The following SYT7 variants were observed in gnomAD, a reference collection of about 807,000 sequenced individuals.
The protein encoded by SYT7 is synaptotagmin-7.
SYT7 carries 29 observed loss-of-function variants against 75.1 expected under a neutral mutation model. The observed-to-expected ratio is 0.39, with a 90% CI of 0.29 to 0.53. The LOEUF (loss-of-function observed/expected upper bound fraction) is 0.53. Ranked by LOEUF, SYT7 falls within the 20% of genes least tolerant of loss-of-function variation. The pLI, the probability that SYT7 is intolerant of heterozygous loss-of-function variation, is 0.77. For missense variants in SYT7, 693 were observed against 953.2 expected, an observed-to-expected ratio of 0.73 and a Z score of 3.59; for synonymous variants, 376 against 401.7, an observed-to-expected ratio of 0.94 and a Z score of 0.76.
At chr11:61,522,309 C>A (rs1308735068) in intron 12 of SYT7, among the ~76,000 whole-genome samples, 1 of 151,600 alleles carries the variant, frequency 6.6e-6, no homozygotes. Context: ...CCTGTCACAG[C>A]CTCCTGAGTA....
intron 2 of SYT7, among the ~76,000 whole-genome samples, chr11:61,555,577 C>T (rs2063476506): frequency 6.6e-6 from 1 of 152,106 alleles, no homozygotes; most frequent in Non-Finnish European, 1.5e-5. Context: ...GAAAAGGAGC[C>T]GTTTGTGCTT....
Position 61,569,326 on chromosome 11 carries a change from G to C in SYT7, c.31+11464C>G, listed in dbSNP as rs1332452413. On this transcript the variant is annotated intron_variant, in intron 1 of 12. Coordinates refer to ENST00000539008, the MANE Select transcript of SYT7 (RefSeq NM_001365809.2). ...CAGCCACAGAAACTGCCTGGGTCAG[G>C]GTTCTGTCAGGGCAGGGGATGCTGA... 2.0e-5 allele frequency among the ~76,000 whole-genome samples: 3 copies of C among 152,150 alleles called. No homozygotes were observed. The East Asian group carries it at 5.8e-4, about 29-fold the overall frequency.
chr11:61,559,033 T>C lies in SYT7; in HGVS notation c.32-2826A>G, dbSNP rs374331550. ...TGCTAGGATTACAGGCATGAGCCAC[T>C]GTGCCCAGCCCCACCTCTGCCTCTT... On this transcript the variant is annotated intron_variant, in intron 1 of 12. Coordinates refer to ENST00000539008, the MANE Select transcript of SYT7 (RefSeq NM_001365809.2). Among the ~76,000 whole-genome samples, 3 of 152,214 alleles carry C rather than the reference T, an allele frequency of 2.0e-5. No individual in the cohort carries two copies. In the East Asian group the frequency reaches 5.8e-4, roughly 29 times the overall value.
At chr11:61,541,899 G>A (rs897194339) in intron 6 of SYT7, among the ~76,000 whole-genome samples, 4 of 152,208 alleles carry the variant, frequency 2.6e-5, no homozygotes, top group African/African-American at 7.2e-5. Context: ...AGAGCAGCCT[G>A]GGACTAGCTG....
chr11:61,517,422 G>A lies in SYT7; in HGVS notation c.*1205C>T. On this transcript the variant is annotated 3_prime_UTR_variant, in exon 13 of 13. Transcript: ENST00000539008. ...CTGCTCCCGGGGACCAGGGAGTGGG[G>A]AAGGGTGAGAAGACAGTCCTGGAGA... 5.0e-6 allele frequency: 2 copies of A among 398,876 alleles called. No homozygotes were observed. Among genetic ancestry groups the A allele is most frequent in the Non-Finnish European group, 8.8e-6 (2 of 226,242 alleles). 24.7% of individuals were successfully genotyped at this position (398,876 alleles called of 1,614,324 possible).
chr11:61,549,682 C>G (rs1285084679), intron 3 of SYT7, among the ~76,000 whole-genome samples: 2 of 152,224 alleles, frequency 1.3e-5, no homozygotes, highest in African/African-American at 2.4e-5. Context: ...TTCTGTCCCT[C>G]GGGGCAGAGG....
chr11:61,554,085 G>C (rs1590911799), intron 2 of SYT7, among the ~76,000 whole-genome samples: 1 of 152,232 alleles, frequency 6.6e-6, no homozygotes, highest in South Asian at 2.1e-4. Flanking sequence ...TGGGGATTGT[G>C]GGGAGGGGCT....
chr11:61,574,245 A>G (rs868865486), intron 1 of SYT7, among the ~76,000 whole-genome samples: 5 of 152,170 alleles, frequency 3.3e-5, no homozygotes, highest in Admixed American at 6.5e-5. Flanking sequence ...TCATCTTCCA[A>G]CCGCCTGGGA....
intron 6 of SYT7, 117 bp from the exon 7 acceptor site, chr11:61,538,383 G>GAGAGAA (rs2062941616): frequency 3.6e-6 from 3 of 825,084 alleles, no homozygotes; most frequent in Non-Finnish European, 5.4e-6. Context: ...GAGAGAGAGA[G>GAGAGAA]AGAGAAAGAG....
At chr11:61,581,952 G>A (rs1416296058), upstream of SYT7, among the ~76,000 whole-genome samples, 1 of 152,096 alleles carries the variant, frequency 6.6e-6, no homozygotes, top group Non-Finnish European at 1.5e-5. Context: ...ACAGAATTTG[G>A]ATGATTTGAT....
At position 61,542,485 on chromosome 11, in the gene SYT7, G is replaced by A. The variant is rs1486071718; in HGVS notation, c.667C>T (p.Arg223Trp). ...AGCGGCTGTTGCAGGCTCTGCTGCC[G>A]CATCAGGGTGCGGGGTCGCTGGCAT... ...PKCQRPRTLM[R>W]QQSLQQPLSQ... The change falls in exon 6 of 13, where the codon CGG becomes TGG. Residue 223 changes from arginine to tryptophan, a missense_variant. Arg to Trp is a moderately radical substitution (Grantham distance 101). Around this residue, in one of 2 missense-constraint regions of SYT7, gnomAD observed 487 missense variants for 593.2 expected, o/e 0.82. Coordinates refer to ENST00000539008, the MANE Select transcript of SYT7 (RefSeq NM_001365809.2). The surrounding 1 kb of genome is among the most constrained non-coding windows in gnomAD (Gnocchi z 7.8). 19 of 1,532,948 alleles carry A rather than the reference G, an allele frequency of 1.2e-5. No homozygotes were observed. The highest frequency in any genetic ancestry group is 2.0e-5 in the Admixed American group (1 of 50,934). 95.0% of individuals were successfully genotyped at this position (1,532,948 alleles called of 1,614,324 possible).
At chr11:61,552,643 C>A (rs889646838) in intron 2 of SYT7, among the ~76,000 whole-genome samples, 13 of 152,330 alleles carry the variant, frequency 8.5e-5, no homozygotes, top group East Asian at 7.7e-4. Flanking sequence ...CCCTGATGCT[C>A]CTGCCAGGGG....
intron 3 of SYT7, among the ~76,000 whole-genome samples, chr11:61,549,910 C>T (rs1184894016): frequency 6.6e-6 from 1 of 152,196 alleles, no homozygotes; most frequent in Non-Finnish European, 1.5e-5. Flanking sequence ...TGGGCCCTGC[C>T]ACACGCACCC....
rs1316523852 is a variant in SYT7, at chr11:61,553,024, T to C, written c.136-1561A>G. 6.6e-6 allele frequency among the ~76,000 whole-genome samples: 1 copy of C among 152,172 alleles called. No individual in the cohort carries two copies. The highest frequency in any genetic ancestry group is 2.4e-5 in the African/African-American group (1 of 41,436). On this transcript the variant is annotated intron_variant, in intron 2 of 12. Coordinates refer to ENST00000539008, the MANE Select transcript of SYT7 (RefSeq NM_001365809.2). The surrounding 1 kb of genome is among the most constrained non-coding windows in gnomAD (Gnocchi z 5.2). ...TGGGCAGTTCTCAGAAATCATCACC[T>C]GGAAGTGTCCCTTCTATGGCCCCGC...
At chr11:61,537,978 T>C (rs2062917714) in intron 7 of SYT7, among the ~76,000 whole-genome samples, 166 bp downstream of exon 7, 2 of 152,086 alleles carry the variant, frequency 1.3e-5, no homozygotes, top group Admixed American at 6.5e-5. Flanking sequence ...ACCACCGAGG[T>C]GGCAGTGCGT....
chr11:61,546,053 C>A lies in SYT7; in HGVS notation c.550G>T (p.Ala184Ser), dbSNP rs77128898. The change falls in exon 5 of 13, where the codon GCA becomes TCA. Residue 184 changes from alanine (A) to serine (S), a missense_variant. Physicochemically the swap from Ala to Ser is moderately conservative, Grantham distance 99. Around this residue, in one of 2 missense-constraint regions of SYT7, gnomAD observed 487 missense variants for 593.2 expected, o/e 0.82. Coordinates refer to ENST00000539008, the MANE Select transcript of SYT7 (RefSeq NM_001365809.2). This position sits in a 1 kb window ranked among gnomAD's most constrained non-coding sequence, Gnocchi z 7.6. ...CACTTGGACAAGTTGAGCTTCCCTG[C>A]GGCCAGGTGGCTCTGCACCGTCCGC... ...RWRTVQSHLA[A>S]GKLNLSNFED... 42 of 1,533,356 alleles carry A rather than the reference C, an allele frequency of 2.7e-5. No homozygotes were observed. Among genetic ancestry groups the A allele is most frequent in the Admixed American group, 3.9e-5 (2 of 50,878 alleles). The allele number at this position is 1,533,356 out of a possible 1,614,324, so 95.0% of individuals were successfully genotyped here. A position where few individuals can be genotyped will look rare whatever the true frequency, so the allele number is the denominator to read the frequency against.
At chr11:61,571,312 C>T (rs1449386910) in intron 1 of SYT7, among the ~76,000 whole-genome samples, 1 of 152,244 alleles carries the variant, frequency 6.6e-6, no homozygotes, top group Non-Finnish European at 1.5e-5. Flanking sequence ...CCCACACCCA[C>T]TCCTGTGCCT....
In SYT7 at chr11:61,523,736, C is replaced by G; in HGVS notation, c.1756+91G>C. On this transcript the variant is annotated intron_variant, in intron 11 of 12. Coordinates refer to ENST00000539008, the MANE Select transcript of SYT7 (RefSeq NM_001365809.2). The surrounding 1 kb of genome is among the most constrained non-coding windows in gnomAD (Gnocchi z 5.0). The stretch of plus-strand genomic sequence containing the variant: ...GGGTGTGGCGGGTTGGGGTGAGGAC[C>G]ACTGCAGACCCTGCTCTCCACATCC... 1 of 1,309,482 alleles carries G rather than the reference C, an allele frequency of 7.6e-7. No individual in the cohort carries two copies. Among genetic ancestry groups the G allele is most frequent in the East Asian group, 2.3e-5 (1 of 43,312 alleles). The allele number at this position is 1,309,482 out of a possible 1,614,324, so 81.1% of individuals were successfully genotyped here.
At chr11:61,550,512 T>C (rs567400573) in intron 3 of SYT7, among the ~76,000 whole-genome samples, 18 of 152,130 alleles carry the variant, frequency 1.2e-4, no homozygotes, top group African/African-American at 3.6e-4. Flanking sequence ...GCGCTCGGCT[T>C]CTAGGCAGAG....
Sources: allele counts gnomAD v4.1 joint callset (sites outside exome capture counted in the v4.1 genomes callset), GRCh38; gene constraint gnomAD v4.1.1; regional missense constraint gnomAD v4.1.1; non-coding constraint Gnocchi (gnomAD v3.1); transcripts MANE v1.5; gene names NCBI Gene and HGNC (gene_info 2026-07-23, HGNC 2026-07-21).